Variants in GRIN2B observed in about 807,000 individuals in gnomAD.
GRIN2B encodes the protein glutamate ionotropic receptor NMDA type subunit 2B.
A neutral mutation model predicts 114.5 loss-of-function variants in GRIN2B; 5 were observed. The observed-to-expected ratio is 0.04, with a 90% CI of 0.02 to 0.09. The LOEUF is 0.09. Ranked by LOEUF, GRIN2B falls within the 10% of genes least tolerant of loss-of-function variation. GRIN2B has a pLI of 1.00. For synonymous variants in GRIN2B, 787 were observed against 745.1 expected (o/e 1.06, Z -0.92); for missense variants, 1,108 against 1,943.5 (o/e 0.57, Z 8.08).
intron 2 of GRIN2B, among the ~76,000 whole-genome samples, chr12:13,928,993 A>T (rs570364892): frequency 6.6e-6 from 1 of 152,024 alleles, no homozygotes; most frequent in Admixed American, 6.6e-5. Flanking sequence ...CAACAATATT[A>T]TGTAGTATGT....
At chr12:13,750,952 A>C (rs868217002) in intron 4 of GRIN2B, among the ~76,000 whole-genome samples, 2 of 152,258 alleles carry the variant, frequency 1.3e-5, no homozygotes, top group African/African-American at 4.8e-5. Flanking sequence ...CAGTAATCTT[A>C]TTCTGAAGCT....
intron 3 of GRIN2B, among the ~76,000 whole-genome samples, chr12:13,860,415 A>T (rs1865733010): frequency 6.6e-6 from 1 of 152,108 alleles, no homozygotes; most frequent in African/African-American, 2.4e-5. Flanking sequence ...TGCAACCTCC[A>T]TCTCCCAGGT....
At chr12:13,797,210 C>T (rs1864431828) in intron 3 of GRIN2B, among the ~76,000 whole-genome samples, 1 of 152,114 alleles carries the variant, frequency 6.6e-6, no homozygotes, top group Admixed American at 6.5e-5. Context: ...ACAGATGATG[C>T]CTTCCTCACA....
At chr12:13,762,239 G>A (rs983723940) in intron 3 of GRIN2B, among the ~76,000 whole-genome samples, 1 of 152,110 alleles carries the variant, frequency 6.6e-6, no homozygotes, top group East Asian at 1.9e-4. Context: ...TCCTGACCTC[G>A]TGATCCTCCC....
intron 3 of GRIN2B, among the ~76,000 whole-genome samples, chr12:13,859,067 A>G (rs1197276730): frequency 2.0e-5 from 3 of 152,206 alleles, no homozygotes; most frequent in Admixed American, 1.3e-4. Context: ...CACTGGGTAC[A>G]TTGCGTCATA....
At position 13,765,664 on chromosome 12, in the gene GRIN2B, C is replaced by T. The variant is rs534955600; in HGVS notation, c.412-11749G>A. ...TTCTTATGACAATATTCATTGAGTGCTTATAGCAGGCTCCATGCTGTCCAT... is the reference window on the plus strand; with the variant it reads ...TTCTTATGACAATATTCATTGAGTGTTTATAGCAGGCTCCATGCTGTCCAT... On this transcript the variant is annotated intron_variant, in intron 3 of 13. Coordinates refer to ENST00000609686, the MANE Select transcript of GRIN2B (RefSeq NM_000834.5). 4.8e-4 allele frequency among the ~76,000 whole-genome samples: 73 copies of T among 152,344 alleles called. No homozygotes were observed. The Middle Eastern group carries it at 0.01, about 21-fold the overall frequency.
At chr12:13,718,030 A>C (rs1341223251) in intron 4 of GRIN2B, among the ~76,000 whole-genome samples, 4 of 152,004 alleles carry the variant, frequency 2.6e-5, no homozygotes, top group Non-Finnish European at 5.9e-5. Context: ...TCTTGGATCT[A>C]TAATGATGAT....
chr12:13,605,092 G>GTTTTTGCCAGGGGCTCTTA (rs1949220576), intron 10 of GRIN2B, among the ~76,000 whole-genome samples: 1 of 147,378 alleles, frequency 6.8e-6, no homozygotes, highest in African/African-American at 2.6e-5. Context: ...TTGTCTTAAT[G>GTTTTTGCCAGGGGCTCTTA]ATGAACAACT....
chr12:13,633,645 AATAT>A (rs1949637089), intron 5 of GRIN2B, among the ~76,000 whole-genome samples: 1 of 152,186 alleles, frequency 6.6e-6, no homozygotes, highest in African/African-American at 2.4e-5. Flanking sequence ...ATGCCAAACT[AATAT>A]ATTCCTGACT....
intron 2 of GRIN2B, among the ~76,000 whole-genome samples, chr12:13,893,727 A>C (rs556696233): frequency 6.6e-6 from 1 of 152,260 alleles, no homozygotes; most frequent in Middle Eastern, 3.4e-3. Context: ...ACTCAAAAGC[A>C]CATAACTTAC....
intron 4 of GRIN2B, among the ~76,000 whole-genome samples, chr12:13,733,908 A>T (rs757248107): frequency 3.3e-5 from 5 of 152,232 alleles, no homozygotes; most frequent in Non-Finnish European, 5.9e-5. Context: ...AACCAATCAA[A>T]GTCTGAAAAG....
At chr12:13,899,565 C>T (rs1382747908) in intron 2 of GRIN2B, among the ~76,000 whole-genome samples, 2 of 143,850 alleles carry the variant, frequency 1.4e-5, no homozygotes, top group Non-Finnish European at 3.2e-5. Flanking sequence ...AAGTAACTGA[C>T]ACACATTAAG....
chr12:13,793,053 C>T (rs1352701171), intron 3 of GRIN2B, among the ~76,000 whole-genome samples: 1 of 152,200 alleles, frequency 6.6e-6, no homozygotes, highest in Non-Finnish European at 1.5e-5. Context: ...TTTCCAACTG[C>T]ATTTGTCACG....
chr12:13,799,448 G>A (rs987726360), intron 3 of GRIN2B, among the ~76,000 whole-genome samples: 1 of 152,142 alleles, frequency 6.6e-6, no homozygotes, highest in African/African-American at 2.4e-5. Context: ...CTGAGACACA[G>A]TCACCCATGA....
rs539988107 is a variant in GRIN2B, at chr12:13,748,884, C to G, written c.1010+4433G>C. ...AAATATTCATTTGGTATAAATATGT[C>G]CCATGCAATATTTAGTATTGACTTG... On this transcript the variant is annotated intron_variant, in intron 4 of 13. Transcript: ENST00000609686. Among the ~76,000 whole-genome samples, 3 of 152,284 alleles carry G rather than the reference C, an allele frequency of 2.0e-5. No individual in the cohort carries two copies. The South Asian group carries it at 6.2e-4, about 32-fold the overall frequency.
chr12:13,725,778 C>T (rs1247262201), intron 4 of GRIN2B, among the ~76,000 whole-genome samples: 2 of 152,018 alleles, frequency 1.3e-5, no homozygotes, highest in African/African-American at 4.8e-5. Context: ...AAGAGAAACC[C>T]CAACTTCACT....
At chr12:13,798,125 C>A (rs1255683679) in intron 3 of GRIN2B, among the ~76,000 whole-genome samples, 1 of 152,216 alleles carries the variant, frequency 6.6e-6, no homozygotes, top group African/African-American at 2.4e-5. Context: ...GAATGTATCC[C>A]ATGATCAACT....
chr12:13,733,300 T>C lies in GRIN2B; in HGVS notation c.1010+20017A>G, dbSNP rs1394927770. ...GTTGACCCAAAATGGTTTCAAGTTTTTTTTTTTTTTTGACCTTTACCCTAT... is the reference window on the plus strand; with the variant it reads ...GTTGACCCAAAATGGTTTCAAGTTTCTTTTTTTTTTTGACCTTTACCCTAT... On this transcript the variant is annotated intron_variant, in intron 4 of 13. Transcript: ENST00000609686. Among the ~76,000 whole-genome samples the C allele has an allele frequency of 8.2e-5, 12 of 146,842 alleles. No homozygotes were observed. The East Asian group carries it at 2.3e-3, about 28-fold the overall frequency.
intron 2 of GRIN2B, among the ~76,000 whole-genome samples, chr12:13,946,233 A>G (rs930954043): frequency 3.3e-5 from 5 of 152,168 alleles, no homozygotes; most frequent in African/African-American, 1.2e-4. Flanking sequence ...ATCATAATCT[A>G]AATAGTTACA....
Sources: gnomAD v4.1 joint callset for allele counts (sites outside exome capture counted in the v4.1 genomes callset) on GRCh38, gnomAD v4.1.1 for gene constraint, MANE v1.5 for transcripts, NCBI Gene and HGNC (gene_info 2026-07-23, HGNC 2026-07-21) for gene names.